Variants in PIWIL1 observed in about 807,000 individuals in gnomAD.
PIWIL1 encodes piwi like RNA-mediated gene silencing 1.
In PIWIL1, 73 loss-of-function variants were observed where a neutral mutation model predicts 114.4. The ratio of observed to expected loss-of-function variants is 0.64; its 90% CI spans 0.53 to 0.78. The LOEUF (loss-of-function observed/expected upper bound fraction) is 0.78. Ranked by LOEUF, PIWIL1 falls within the 30% of genes least tolerant of loss-of-function variation. The pLI, the probability that PIWIL1 is intolerant of heterozygous loss-of-function variation, is 0.00. For synonymous variants in PIWIL1, 375 were observed against 369.0 expected (o/e 1.02, Z -0.19); for missense variants, 723 against 1,063.1 (o/e 0.68, Z 4.45).
At chr12:130,361,722 A>G in intron 16 of PIWIL1, 121 bp downstream of exon 16, 1 of 725,612 alleles carries the variant, frequency 1.4e-6, no homozygotes, top group East Asian at 2.5e-5. Context: ...TACAGCAACG[A>G]ATTTAGGAAA....
downstream of PIWIL1, among the ~76,000 whole-genome samples, chr12:130,374,766 C>T (rs867240763): frequency 2.6e-5 from 4 of 152,220 alleles, no homozygotes; most frequent in South Asian, 2.1e-4. Flanking sequence ...GGTGATCCCT[C>T]GTATTTCAGG....
the PIWIL1 span, among the ~76,000 whole-genome samples, chr12:130,410,912 G>A: frequency 1.7e-3 from 266 of 152,212 alleles, 2 homozygotes; most frequent in African/African-American, 5.9e-3. Flanking sequence ...CACAGATTTC[G>A]AATGGTCTTG....
rs2073823230 is a variant in PIWIL1, at chr12:130,371,810, CAT to C, written c.*214_*215del. ...TTTTATATTTTATCTTCTTGTTTCT[CAT>C]AGATATTTTGTGAGCATTTTTTTGT... On this transcript the variant is annotated 3_prime_UTR_variant, in exon 21 of 21. Coordinates refer to ENST00000245255, the MANE Select transcript of PIWIL1 (RefSeq NM_004764.5). 2 of 325,144 alleles carry C rather than the reference CAT, an allele frequency of 6.2e-6. No individual in the cohort carries two copies. Among genetic ancestry groups the C allele is most frequent in the Middle Eastern group, 1.8e-3 (2 of 1,106 alleles). 20.1% of individuals were successfully genotyped at this position (325,144 alleles called of 1,614,324 possible).
chr12:130,378,517 C>T, the PIWIL1 span, among the ~76,000 whole-genome samples: 1 of 152,182 alleles, frequency 6.6e-6, no homozygotes, highest in African/African-American at 2.4e-5. Context: ...ATATGGGAAG[C>T]ATGTCTGCAA....
At chr12:130,399,581 T>C in the PIWIL1 span, 9 of 1,423,966 alleles carry the variant, frequency 6.3e-6, no homozygotes, top group Admixed American at 4.1e-5. Context: ...TATTTACGCT[T>C]TTCGGCCCAA....
At chr12:130,368,881 CT>C (rs879628995) in intron 19 of PIWIL1, among the ~76,000 whole-genome samples, 425 of 143,832 alleles carry the variant, frequency 3.0e-3, no homozygotes, top group Middle Eastern at 0.011. Flanking sequence ...GAAGCCCACT[CT>C]TTTTTTTTTT....
the PIWIL1 span, among the ~76,000 whole-genome samples, chr12:130,420,592 A>C: frequency 6.6e-6 from 1 of 152,224 alleles, no homozygotes; most frequent in South Asian, 2.1e-4. The surrounding 1 kb of genome is among the most constrained non-coding windows in gnomAD (Gnocchi z 4.3). Context: ...TGATGAATGC[A>C]GTTTTAAAAA....
rs186115643 is a variant in PIWIL1, at chr12:130,368,431, G to T, written c.2321+1173G>T. 2.0e-5 allele frequency among the ~76,000 whole-genome samples: 3 copies of T among 152,294 alleles called. No homozygotes were observed. In the East Asian group the frequency reaches 5.8e-4, roughly 29 times the overall value. On this transcript the variant is annotated intron_variant, in intron 19 of 20. Coordinates refer to ENST00000245255, the MANE Select transcript of PIWIL1 (RefSeq NM_004764.5). The stretch of plus-strand genomic sequence containing the variant: ...TACAGAGTTTAGTCTTATCTAGTCT[G>T]CTCTGTTATCTGACAGTGGAGAGAA...
intron 7 of PIWIL1, among the ~76,000 whole-genome samples, 161 bp downstream of exon 7, chr12:130,348,344 A>G (rs147476275): frequency 1.3e-3 from 201 of 152,336 alleles, no homozygotes; most frequent in Non-Finnish European, 2.6e-3. Context: ...ATCCCAGAAT[A>G]TTTGGATTTT....
intron 1 of PIWIL1, among the ~76,000 whole-genome samples, chr12:130,338,552 G>T (rs1239040976): frequency 5.2e-5 from 1 of 19,208 alleles, no homozygotes; most frequent in Non-Finnish European, 1.3e-4. Context: ...GGGTGCGGGG[G>T]CGAGGTCCCA....
chr12:130,346,965 C>T lies in PIWIL1; in HGVS notation c.556C>T (p.Arg186Trp), dbSNP rs780587922. 6.2e-6 allele frequency: 10 copies of T among 1,612,710 alleles called. No homozygotes were observed. In the South Asian group the frequency reaches 6.6e-5, roughly 11 times the overall value. The change falls in exon 6 of 21, where the codon CGG (arginine) becomes TGG (tryptophan). Residue 186 changes from arginine to tryptophan, a missense_variant. By Grantham distance (101) the Arg-to-Trp change is moderately radical. Coordinates refer to ENST00000245255, the MANE Select transcript of PIWIL1 (RefSeq NM_004764.5). ...GGTTACTGAAGTTTTTAGTAAGACC[C>T]GGAATGGAGAGGATGTGAGGATAAC... Reference protein sequence around the residue: ...QKVTEVFSKTRNGEDVRITIT... With the variant: ...QKVTEVFSKTWNGEDVRITIT...
chr12:130,358,103 G>A (rs912777438), intron 14 of PIWIL1, among the ~76,000 whole-genome samples: 3 of 152,178 alleles, frequency 2.0e-5, no homozygotes, highest in Admixed American at 2.0e-4. Context: ...GTTGTTGTGT[G>A]TGCTTCACCC....
chr12:130,372,358 A>G lies in PIWIL1; in HGVS notation c.*760A>G, dbSNP rs749319160. 1 of 152,118 alleles carries G rather than the reference A, an allele frequency of 6.6e-6. No individual in the cohort carries two copies. The highest frequency in any genetic ancestry group is 2.1e-4 in the South Asian group (1 of 4,828). 9.4% of individuals were successfully genotyped at this position (152,118 alleles called of 1,614,324 possible). A position where few individuals can be genotyped will look rare whatever the true frequency, so the allele number is the denominator to read the frequency against. On this transcript the variant is annotated 3_prime_UTR_variant, in exon 21 of 21. Transcript: ENST00000245255. ...AATAACTGTAATTCTTGTTTTACTG[A>G]AAGTATGTGCGTTTTCTTTTCATTT...
chr12:130,418,236 T>C, the PIWIL1 span, among the ~76,000 whole-genome samples: 1 of 152,238 alleles, frequency 6.6e-6, no homozygotes, highest in Non-Finnish European at 1.5e-5. Flanking sequence ...ATCTAAAATG[T>C]CAGTAATTTC....
At chr12:130,390,029 C>A in the PIWIL1 span, among the ~76,000 whole-genome samples, 1 of 152,106 alleles carries the variant, frequency 6.6e-6, no homozygotes, top group African/African-American at 2.4e-5. Flanking sequence ...TGTTGGAAAC[C>A]AGAGCTCCTA....
At position 130,355,538 on chromosome 12, in the gene PIWIL1, G is replaced by A; in HGVS notation, c.1290-15G>A. On this transcript the variant is annotated splice_polypyrimidine_tract_variant and intron_variant, in intron 11 of 20. Transcript: ENST00000245255. ...TCTCTTTGTTGAGTCGCATGTAAAT[G>A]TGTTAAATTTACAGAAACGATAATG... 1.3e-6 allele frequency: 2 copies of A among 1,551,616 alleles called. No homozygotes were observed. Among genetic ancestry groups the A allele is most frequent in the Non-Finnish European group, 1.8e-6 (2 of 1,123,014 alleles).
At chr12:130,391,798 TG>T in the PIWIL1 span, among the ~76,000 whole-genome samples, 142,355 of 152,176 alleles carry the variant, frequency 0.94, 66,706 homozygotes, top group Non-Finnish European at 0.96. Flanking sequence ...GCGACACCCA[TG>T]GGGGCATGCG....
chr12:130,396,364 T>TAAAG, the PIWIL1 span: 3 of 152,646 alleles, frequency 2.0e-5, no homozygotes, highest in Admixed American at 6.5e-5. Context: ...AAAGTATGTA[T>TAAAG]AAAGAGTAAA....
intron 3 of PIWIL1, among the ~76,000 whole-genome samples, chr12:130,343,621 CTTTT>C (rs533583982): frequency 0.011 from 1,255 of 116,492 alleles, 11 homozygotes; most frequent in African/African-American, 0.041. Context: ...TTGAAGGATT[CTTTT>C]TTTTTTTTTT....
Sources: allele counts gnomAD v4.1 joint callset (sites outside exome capture counted in the v4.1 genomes callset), GRCh38; gene constraint gnomAD v4.1.1; non-coding constraint Gnocchi (gnomAD v3.1); transcripts MANE v1.5; gene names NCBI Gene and HGNC (gene_info 2026-07-23, HGNC 2026-07-21).